Variants in SEC24B observed in about 807,000 individuals in gnomAD.
SEC24B encodes SEC24 homolog B, COPII component.
SEC24B carries 45 observed loss-of-function variants against 142.8 expected under a neutral mutation model. The ratio of observed to expected loss-of-function variants is 0.32; its 90% CI spans 0.25 to 0.40. The LOEUF (loss-of-function observed/expected upper bound fraction) is 0.40. Among genes scored for constraint, SEC24B ranks in the 10% least tolerant of loss-of-function variants. The probability of loss-of-function intolerance (pLI) is 1.00; values close to 1 mark genes in which losing one functional copy is unlikely to be tolerated. For missense variants in SEC24B, 1,409 were observed against 1,526.8 expected (o/e 0.92, Z 1.29); for synonymous variants, 574 against 568.2 (o/e 1.01, Z -0.15).
intron 7 of SEC24B, among the ~76,000 whole-genome samples, chr4:109,507,439 A>G (rs1424085034): frequency 4.7e-5 from 7 of 149,912 alleles, no homozygotes; most frequent in Non-Finnish European, 5.9e-5. Flanking sequence ...ATGCGTGTCT[A>G]ATTTTTGTAT....
intron 11 of SEC24B, among the ~76,000 whole-genome samples, chr4:109,517,947 G>GTTTATTTA (rs72178897): frequency 5.2e-4 from 70 of 133,706 alleles, no homozygotes; most frequent in Non-Finnish European, 7.6e-4. Context: ...TTGTTTGTTT[G>GTTTATTTA]TTTATTTATT....
At chr4:109,474,312 T>C (rs1732851925) in intron 3 of SEC24B, among the ~76,000 whole-genome samples, 2 of 152,230 alleles carry the variant, frequency 1.3e-5, no homozygotes, top group African/African-American at 4.8e-5. Context: ...CCTAACTAAA[T>C]GAATGGTGTC....
At chr4:109,476,784 TTTC>T (rs2125972492) in intron 3 of SEC24B, among the ~76,000 whole-genome samples, 1 of 152,356 alleles carries the variant, frequency 6.6e-6, no homozygotes, top group East Asian at 1.9e-4. Context: ...TATCATATGT[TTTC>T]TTCCTTTTGT....
At chr4:109,476,356 AT>A (rs1733141724) in intron 3 of SEC24B, among the ~76,000 whole-genome samples, 6 of 152,278 alleles carry the variant, frequency 3.9e-5, no homozygotes, top group African/African-American at 1.4e-4. Flanking sequence ...TTTGGTATTT[AT>A]GTGAAGTACG....
chr4:109,525,808 T>G (rs1301617279), intron 16 of SEC24B, among the ~76,000 whole-genome samples: 1 of 152,170 alleles, frequency 6.6e-6, no homozygotes, highest in Non-Finnish European at 1.5e-5. Context: ...ATTGTCAAAG[T>G]AAGGGTCTTT....
chr4:109,523,011 G>C (rs1185836037), intron 14 of SEC24B, among the ~76,000 whole-genome samples: 1 of 152,148 alleles, frequency 6.6e-6, no homozygotes, highest in Non-Finnish European at 1.5e-5. Flanking sequence ...TGGGATTGCA[G>C]ATGTGAGCCA....
intron 4 of SEC24B, among the ~76,000 whole-genome samples, chr4:109,490,796 A>G (rs76243070): frequency 0.015 from 2,331 of 152,124 alleles, 42 homozygotes; most frequent in African/African-American, 0.04. Flanking sequence ...TTTAATCTCT[A>G]TTCTGCAGAT....
At chr4:109,467,162 T>TAA (rs753198604) in intron 2 of SEC24B, among the ~76,000 whole-genome samples, 6 of 151,298 alleles carry the variant, frequency 4.0e-5, no homozygotes, top group Non-Finnish European at 7.4e-5. Context: ...CCGTCTCTAC[T>TAA]AAAAATACAA....
Position 109,433,939 on chromosome 4 carries a change from G to GCCGTCTCAGGAGCCGCAGCGC in SEC24B, c.74_94dup (p.Val25_Pro31dup). 1 of 1,275,872 alleles carries GCCGTCTCAGGAGCCGCAGCGC rather than the reference G, an allele frequency of 7.8e-7. No homozygotes were observed. The highest frequency in any genetic ancestry group is 3.3e-5 in the East Asian group (1 of 30,552). 79.0% of individuals were successfully genotyped at this position (1,275,872 alleles called of 1,614,324 possible). On this transcript the variant is annotated inframe_insertion, in exon 1 of 24. Transcript: ENST00000265175. ...GATCCCGCCCAAGTTCGGCGGAGCG[G>GCCGTCTCAGGAGCCGCAGCGC]CCGTCTCAGGAGCCGCAGCGCCCGC...
chr4:109,527,665 A>G (rs555223445), intron 18 of SEC24B, among the ~76,000 whole-genome samples: 2 of 152,094 alleles, frequency 1.3e-5, no homozygotes, highest in East Asian at 3.9e-4. Flanking sequence ...GCAGCTTCTC[A>G]GGAGACTGAG....
At chr4:109,449,672 C>T (rs1434177451) in intron 1 of SEC24B, among the ~76,000 whole-genome samples, 1 of 152,074 alleles carries the variant, frequency 6.6e-6, no homozygotes, top group South Asian at 2.1e-4. Context: ...AGAGATCTCT[C>T]TCTTCTTTTT....
intron 2 of SEC24B, among the ~76,000 whole-genome samples, chr4:109,464,806 A>G (rs1731685547): frequency 6.6e-6 from 1 of 152,220 alleles, no homozygotes; most frequent in Non-Finnish European, 1.5e-5. Context: ...ATTTGAGATC[A>G]TCTACTCTTT....
intron 6 of SEC24B, among the ~76,000 whole-genome samples, chr4:109,501,030 C>T (rs770045558): frequency 3.1e-4 from 47 of 152,156 alleles, no homozygotes; most frequent in Non-Finnish European, 5.4e-4. Context: ...ACAGTAGTGT[C>T]CTGGGCTTTC....
intron 4 of SEC24B, among the ~76,000 whole-genome samples, chr4:109,486,772 T>C (rs1051378502): frequency 5.3e-5 from 8 of 152,238 alleles, no homozygotes; most frequent in Admixed American, 5.2e-4. Flanking sequence ...AGTATTTTGC[T>C]TGGTATCAGG....
intron 4 of SEC24B, among the ~76,000 whole-genome samples, chr4:109,489,963 A>G (rs780009604): frequency 1.3e-5 from 2 of 151,918 alleles, no homozygotes; most frequent in Non-Finnish European, 2.9e-5. Context: ...GAGGAAAAAT[A>G]TATGTGCAAA....
Position 109,520,383 on chromosome 4 carries a change from G to A in SEC24B, c.2144G>A (p.Arg715Gln). The A allele has an allele frequency of 1.9e-6, 3 of 1,605,356 alleles. No homozygotes were observed. Among genetic ancestry groups the A allele is most frequent in the Non-Finnish European group, 2.6e-6 (3 of 1,174,858 alleles). The change falls in exon 12 of 24, where the codon CGA becomes CAA. Residue 715 changes from arginine (R) to glutamine (Q), a missense_variant. Physicochemically the swap from Arg to Gln is conservative, Grantham distance 43. Transcript: ENST00000265175. ...ENLDKLPGDS[R>Q]TRIGFMTFDS... The stretch of plus-strand genomic sequence containing the variant: ...ATCTTTAGGCTTCCTGGAGATTCAC[G>A]AACAAGAATAGGATTCATGACCTTT...
intron 5 of SEC24B, among the ~76,000 whole-genome samples, chr4:109,494,238 T>G (rs1735305173): frequency 6.6e-6 from 1 of 152,094 alleles, no homozygotes; most frequent in African/African-American, 2.4e-5. Context: ...AAAAATCTCT[T>G]GAGCACAGGT....
At chr4:109,456,343 T>TTTTG (rs1553995218) in intron 1 of SEC24B, among the ~76,000 whole-genome samples, 3 of 149,752 alleles carry the variant, frequency 2.0e-5, no homozygotes, top group Non-Finnish European at 4.5e-5. Context: ...TGTTTTTTTT[T>TTTTG]TTTTTTTTTT....
chr4:109,451,376 A>T (rs1438768637), intron 1 of SEC24B, among the ~76,000 whole-genome samples: 3 of 139,902 alleles, frequency 2.1e-5, no homozygotes, highest in African/African-American at 2.6e-5. Flanking sequence ...TTTTTTTTTT[A>T]AAGAAATGGA....
Sources: gnomAD v4.1 joint callset for allele counts (sites outside exome capture counted in the v4.1 genomes callset) on GRCh38, gnomAD v4.1.1 for gene constraint, MANE v1.5 for transcripts, NCBI Gene and HGNC (gene_info 2026-07-23, HGNC 2026-07-21) for gene names.